ITGB1: variants seen among roughly 807,000 people sequenced by gnomAD.
ITGB1 encodes the protein integrin beta-1.
ITGB1 carries 24 observed loss-of-function variants against 86.5 expected under a neutral mutation model. The observed-to-expected ratio is 0.28, with a 90% CI of 0.20 to 0.39. The LOEUF (loss-of-function observed/expected upper bound fraction) is 0.39. Among genes scored for constraint, ITGB1 ranks in the 10% least tolerant of loss-of-function variants. The pLI, the probability that ITGB1 is intolerant of heterozygous loss-of-function variation, is 1.00. For synonymous variants in ITGB1, 323 were observed against 316.8 expected (o/e 1.02, Z -0.21); for missense variants, 556 against 946.9 (o/e 0.59, Z 5.42).
chr10:32,935,847 TC>T lies in ITGB1; in HGVS notation c.1-290del, dbSNP rs1565829515. 1,728 of 237,392 alleles carry T rather than the reference TC, an allele frequency of 7.3e-3. 1 individual carries two copies. The highest frequency in any genetic ancestry group is 0.011 in the Non-Finnish European group (1,263 of 120,286). The allele number at this position is 237,392 out of a possible 1,614,324, so 14.7% of individuals were successfully genotyped here. A position where few individuals can be genotyped will look rare whatever the true frequency, so the allele number is the denominator to read the frequency against. On this transcript the variant is annotated intron_variant, in intron 1 of 15. Coordinates refer to ENST00000302278, the MANE Select transcript of ITGB1 (RefSeq NM_002211.4). ...TATTTTAACATTTAATTAACAGCGC[TC>T]AAAAAAAAAATCAGTGTTAAGTATT...
intron 15 of ITGB1, chr10:32,907,191 TC>T (rs758350103): frequency 1.3e-6 from 1 of 780,330 alleles, no homozygotes; most frequent in African/African-American, 1.8e-5. Context: ...AAAAAAAAAA[TC>T]CCTTTATAGT....
intron 15 of ITGB1, among the ~76,000 whole-genome samples, chr10:32,902,047 A>C (rs2094883356): frequency 6.6e-6 from 1 of 152,156 alleles, no homozygotes; most frequent in South Asian, 2.1e-4. Context: ...GGCGCCTGCT[A>C]ATCAAAACGG....
intron 1 of ITGB1, chr10:32,944,865 A>C (rs1020831734): frequency 1.5e-6 from 2 of 1,304,604 alleles, no homozygotes; most frequent in African/African-American, 2.9e-5. Context: ...CTCATTCAGC[A>C]TGAGGATGAT....
chr10:32,950,942 TG>T (rs1466490454), intron 1 of ITGB1, among the ~76,000 whole-genome samples: 8 of 152,106 alleles, frequency 5.3e-5, no homozygotes. Flanking sequence ...AAATGAAATA[TG>T]GAAGATTTTT....
chr10:32,927,415 G>A (rs914269513), intron 5 of ITGB1, among the ~76,000 whole-genome samples: 3 of 152,182 alleles, frequency 2.0e-5, no homozygotes, highest in African/African-American at 7.2e-5. Context: ...CCAGGTCTAA[G>A]ATGAGATCAG....
At chr10:32,944,607 C>T in intron 1 of ITGB1, 1 of 568,208 alleles carries the variant, frequency 1.8e-6, no homozygotes, top group Non-Finnish European at 3.4e-6. Context: ...ACTCAGCTGG[C>T]CCTATATGAG....
intron 2 of ITGB1, among the ~76,000 whole-genome samples, chr10:32,932,934 A>G (rs1198521731): frequency 3.3e-5 from 5 of 152,042 alleles, no homozygotes; most frequent in South Asian, 4.1e-4. Context: ...TCTTTTAGTT[A>G]TTTTAAAATA....
intron 11 of ITGB1, 144 bp from the exon 12 acceptor site, chr10:32,912,268 G>C: frequency 1.5e-6 from 1 of 670,692 alleles, no homozygotes; most frequent in African/African-American, 1.8e-5. Flanking sequence ...TCCAACTGAG[G>C]TACTGGGTTC....
chr10:32,936,891 A>T (rs2095003763), intron 1 of ITGB1, among the ~76,000 whole-genome samples: 1 of 152,250 alleles, frequency 6.6e-6, no homozygotes, highest in South Asian at 2.1e-4. Context: ...TGGAAAATGT[A>T]AATTAAAGCA....
chr10:32,950,292 TAGAG>T (rs772668563), intron 1 of ITGB1, among the ~76,000 whole-genome samples: 1 of 151,924 alleles, frequency 6.6e-6, no homozygotes, highest in Non-Finnish European at 1.5e-5. Context: ...TTATCCCACA[TAGAG>T]AGTAATAAAA....
chr10:32,925,751 C>G (rs1248104922), intron 6 of ITGB1, 120 bp downstream of exon 6: 8 of 713,816 alleles, frequency 1.1e-5, no homozygotes, highest in African/African-American at 8.9e-5. Flanking sequence ...AATTACTTCT[C>G]TAAGATAATC....
intron 15 of ITGB1, among the ~76,000 whole-genome samples, chr10:32,906,088 T>C (rs1271604642): frequency 2.0e-5 from 3 of 152,026 alleles, no homozygotes; most frequent in South Asian, 4.1e-4. Flanking sequence ...ATAATATACA[T>C]ACATATATAT....
intron 11 of ITGB1, among the ~76,000 whole-genome samples, chr10:32,915,880 A>G (rs975603930): frequency 1.3e-5 from 2 of 152,198 alleles, no homozygotes; most frequent in Non-Finnish European, 2.9e-5. Context: ...ATTTTAGACC[A>G]ATATCCCTGA....
At chr10:32,908,631 C>G in intron 14 of ITGB1, 97 bp from the exon 15 acceptor site, 1 of 986,396 alleles carries the variant, frequency 1.0e-6, no homozygotes, top group Non-Finnish European at 1.5e-6. Context: ...TGAACGCACA[C>G]TATCCCAAAG....
intron 5 of ITGB1, among the ~76,000 whole-genome samples, chr10:32,926,463 C>G (rs1400691137): frequency 6.6e-6 from 1 of 152,190 alleles, no homozygotes; most frequent in African/African-American, 2.4e-5. Flanking sequence ...AGATCAATCC[C>G]TCATGGCTTG....
At chr10:32,932,808 G>T in intron 2 of ITGB1, 1 of 429,516 alleles carries the variant, frequency 2.3e-6, no homozygotes, top group Non-Finnish European at 4.3e-6. Flanking sequence ...ATACATGTAT[G>T]GGGTACATGA....
At chr10:32,920,412 GAA>G in intron 9 of ITGB1, 27 bp from the exon 10 acceptor site, 2 of 1,604,616 alleles carry the variant, frequency 1.2e-6, no homozygotes, top group South Asian at 1.1e-5. Flanking sequence ...TTATACACAG[GAA>G]AAGTCAAACA....
At chr10:32,933,622 A>C (rs566992262) in intron 2 of ITGB1, 16 of 152,308 alleles carry the variant, frequency 1.1e-4, no homozygotes, top group African/African-American at 3.4e-4. Flanking sequence ...CAACTCACTG[A>C]ATCTGTTAAC....
At chr10:32,943,838 A>C (rs2095024809) in intron 1 of ITGB1, among the ~76,000 whole-genome samples, 1 of 152,218 alleles carries the variant, frequency 6.6e-6, no homozygotes, top group African/African-American at 2.4e-5. Flanking sequence ...AGCCAATACA[A>C]AGATACTATC....
Sources: allele counts gnomAD v4.1 joint callset (sites outside exome capture counted in the v4.1 genomes callset), GRCh38; gene constraint gnomAD v4.1.1; transcripts MANE v1.5; gene names NCBI Gene and HGNC (gene_info 2026-07-23, HGNC 2026-07-21).